MYT1L: variants seen among roughly 807,000 people sequenced by gnomAD.
MYT1L encodes the protein myelin transcription factor 1-like protein.
Under a neutral mutation model 126.7 loss-of-function variants are expected in MYT1L, and 12 were observed. That is an observed-to-expected ratio of 0.09 (90% CI 0.06 to 0.15). The LOEUF (loss-of-function observed/expected upper bound fraction) is 0.15, where lower values mean the gene tolerates loss of function less well. MYT1L is among the 10% of genes least tolerant of loss of function. The pLI is 1.00. For synonymous variants in MYT1L, 541 were observed against 604.2 expected, an observed-to-expected ratio of 0.90 and a Z score of 1.53; for missense variants, 979 against 1,585.2, an observed-to-expected ratio of 0.62 and a Z score of 6.49.
intron 3 of MYT1L, among the ~76,000 whole-genome samples, chr2:2,071,842 G>A (rs76873591): frequency 0.018 from 2,762 of 152,276 alleles, 44 homozygotes; most frequent in Middle Eastern, 0.044. Flanking sequence ...TGAGGTGATC[G>A]TGACCTAAAA....
At chr2:2,098,935 C>A (rs950691436) in intron 3 of MYT1L, among the ~76,000 whole-genome samples, 2 of 152,148 alleles carry the variant, frequency 1.3e-5, no homozygotes, top group Non-Finnish European at 2.9e-5. Flanking sequence ...TTATCCCCTG[C>A]ACCTCCCAAA....
chr2:1,854,702 C>T (rs1398064321), intron 18 of MYT1L, among the ~76,000 whole-genome samples: 2 of 152,128 alleles, frequency 1.3e-5, no homozygotes, highest in Non-Finnish European at 2.9e-5. Context: ...TCCAGGATTT[C>T]GAGTTGGGCG....
chr2:1,936,949 G>T (rs1468341679), intron 9 of MYT1L, among the ~76,000 whole-genome samples: 2 of 152,150 alleles, frequency 1.3e-5, no homozygotes, highest in East Asian at 1.9e-4. Context: ...ACTTTACCAT[G>T]AGAAAAGAAA....
At chr2:2,060,400 GTTTAA>G (rs933657001) in intron 3 of MYT1L, among the ~76,000 whole-genome samples, 1 of 152,084 alleles carries the variant, frequency 6.6e-6, no homozygotes, top group Non-Finnish European at 1.5e-5. Flanking sequence ...GGTACTTGCT[GTTTAA>G]TTTATTTTGA....
intron 3 of MYT1L, among the ~76,000 whole-genome samples, chr2:2,128,210 G>A (rs1431115737): frequency 1.3e-5 from 2 of 152,152 alleles, no homozygotes; most frequent in African/African-American, 2.4e-5. Context: ...GTGCAGTAGT[G>A]TATTTGGCTC....
At chr2:2,082,951 C>A (rs1184123993) in intron 3 of MYT1L, among the ~76,000 whole-genome samples, 3 of 152,126 alleles carry the variant, frequency 2.0e-5, no homozygotes, top group Non-Finnish European at 4.4e-5. Flanking sequence ...GCTCTCTCCT[C>A]CCAATCAAGA....
chr2:1,872,847 C>T (rs932288522), intron 18 of MYT1L, among the ~76,000 whole-genome samples: 1 of 152,234 alleles, frequency 6.6e-6, no homozygotes, highest in Non-Finnish European at 1.5e-5. Flanking sequence ...AAGCACGTTA[C>T]AAACATGAGC....
chr2:1,877,585 G>A (rs1413908662), intron 18 of MYT1L, among the ~76,000 whole-genome samples: 1 of 152,132 alleles, frequency 6.6e-6, no homozygotes, highest in Non-Finnish European at 1.5e-5. Context: ...AAGAGTGCAT[G>A]ATGAACGCCA....
chr2:2,147,007 T>C (rs2084983532), intron 3 of MYT1L, among the ~76,000 whole-genome samples: 1 of 152,196 alleles, frequency 6.6e-6, no homozygotes, highest in Non-Finnish European at 1.5e-5. Context: ...TGCCTCATGA[T>C]GGCATTTCTC....
chr2:2,207,972 C>T (rs1161747343), intron 2 of MYT1L, among the ~76,000 whole-genome samples: 5 of 152,134 alleles, frequency 3.3e-5, no homozygotes, highest in African/African-American at 7.2e-5. Context: ...CTATTGTCCA[C>T]TCTGGTAGGT....
intron 3 of MYT1L, among the ~76,000 whole-genome samples, chr2:2,075,850 C>T (rs748311306): frequency 3.9e-5 from 6 of 152,192 alleles, no homozygotes; most frequent in African/African-American, 9.7e-5. Flanking sequence ...TTTGAGATAA[C>T]GATGAGTGTG....
intron 3 of MYT1L, among the ~76,000 whole-genome samples, chr2:2,105,785 G>T (rs905630570): frequency 2.6e-5 from 4 of 152,314 alleles, no homozygotes; most frequent in Middle Eastern, 3.4e-3. Flanking sequence ...ACTCTTGCCA[G>T]ATCTGAGTGC....
chr2:1,878,073 C>T (rs2047140964), intron 18 of MYT1L, among the ~76,000 whole-genome samples: 2 of 152,210 alleles, frequency 1.3e-5, no homozygotes, highest in Admixed American at 1.3e-4. Context: ...TCTTTGATAA[C>T]ACCTGATTAA....
intron 4 of MYT1L, among the ~76,000 whole-genome samples, chr2:1,998,747 A>G (rs2062093866): frequency 1.3e-5 from 2 of 152,126 alleles, no homozygotes; most frequent in Non-Finnish European, 1.5e-5. Flanking sequence ...TTTGGATACG[A>G]TAACTCCCCT....
chr2:1,916,219 CTCCTGAGAACG>C (rs1376683493), intron 11 of MYT1L, among the ~76,000 whole-genome samples: 2 of 152,214 alleles, frequency 1.3e-5, no homozygotes, highest in African/African-American at 4.8e-5. Flanking sequence ...GTCCCAAATG[CTCCTGAGAACG>C]TTTCTTTGTG....
intron 3 of MYT1L, among the ~76,000 whole-genome samples, chr2:2,084,811 G>A (rs1174671286): frequency 1.3e-5 from 2 of 152,186 alleles, no homozygotes; most frequent in African/African-American, 4.8e-5. Context: ...ATGAATACAA[G>A]GATTTAATTG....
intron 2 of MYT1L, among the ~76,000 whole-genome samples, chr2:2,174,078 A>G (rs1486671714): frequency 1.3e-5 from 2 of 152,232 alleles, no homozygotes; most frequent in African/African-American, 4.8e-5. Context: ...AAATAATGCC[A>G]AAATAGATAC....
chr2:2,006,815 A>G (rs1361565008), intron 4 of MYT1L, among the ~76,000 whole-genome samples: 1 of 151,838 alleles, frequency 6.6e-6, no homozygotes, highest in Non-Finnish European at 1.5e-5. Context: ...AGCTCAAATG[A>G]TCCACCCCCT....
chr2:2,119,176 T>A (rs900685235), intron 3 of MYT1L, among the ~76,000 whole-genome samples: 1 of 152,234 alleles, frequency 6.6e-6, no homozygotes, highest in African/African-American at 2.4e-5. Flanking sequence ...TGAAAACATG[T>A]TTGACCTGGC....
Sources: gnomAD v4.1 joint callset for allele counts (sites outside exome capture counted in the v4.1 genomes callset) on GRCh38, gnomAD v4.1.1 for gene constraint, MANE v1.5 for transcripts, NCBI Gene and HGNC (gene_info 2026-07-23, HGNC 2026-07-21) for gene names.